The following OSBPL8 variants were observed in gnomAD, a reference collection of about 807,000 sequenced individuals.
OSBPL8 encodes oxysterol binding protein like 8.
A neutral mutation model predicts 125.5 loss-of-function variants in OSBPL8; 59 were observed. That is an observed-to-expected ratio of 0.47 (90% CI 0.38 to 0.58). The LOEUF is 0.58. OSBPL8 is among the 20% of genes least tolerant of loss of function. The pLI is 0.00. For missense variants in OSBPL8, 758 were observed against 1,047.8 expected (o/e 0.72, Z 3.82); for synonymous variants, 330 against 338.9 (o/e 0.97, Z 0.29).
intron 4 of OSBPL8, among the ~76,000 whole-genome samples, chr12:76,445,288 A>G (rs181415676): frequency 1.3e-5 from 2 of 152,304 alleles, no homozygotes; most frequent in Non-Finnish European, 2.9e-5. Context: ...CTTCTAAAAG[A>G]AAACACAGAA....
At chr12:76,395,723 T>A (rs1953764628) in intron 8 of OSBPL8, among the ~76,000 whole-genome samples, 1 of 152,090 alleles carries the variant, frequency 6.6e-6, no homozygotes, top group African/African-American at 2.4e-5. Flanking sequence ...TCCTTATAGG[T>A]ATGAGAATTA....
At chr12:76,464,506 A>C (rs1875153865) in intron 2 of OSBPL8, among the ~76,000 whole-genome samples, 1 of 152,220 alleles carries the variant, frequency 6.6e-6, no homozygotes, top group South Asian at 2.1e-4. Context: ...AAATCTCAGA[A>C]ATAGTGCACA....
Position 76,356,701 on chromosome 12 carries a change from C to A in OSBPL8, c.2462G>T (p.Arg821Ile). 2 of 1,608,292 alleles carry A rather than the reference C, an allele frequency of 1.2e-6. No individual in the cohort carries two copies. The highest frequency in any genetic ancestry group is 2.2e-5 in the South Asian group (2 of 90,248). The change falls in exon 23 of 24, where the codon AGA (arginine) becomes ATA (isoleucine). Residue 821 changes from arginine to isoleucine, a missense_variant. Around this residue, in one of 3 missense-constraint regions of OSBPL8, gnomAD observed 572 missense variants for 762.0 expected, o/e 0.75. Coordinates refer to ENST00000261183, the MANE Select transcript of OSBPL8 (RefSeq NM_020841.5). ...EAQSVKPSTRRKKGIELGDIQ... is the reference protein window; with the variant it reads ...EAQSVKPSTRIKKGIELGDIQ... ...GTCTCCCAGTTCTATTCCTTTCTTT[C>A]TTCTTGTACTTGGTTTTACTGATTG...
At chr12:76,410,059 T>G (rs946863587) in intron 5 of OSBPL8, among the ~76,000 whole-genome samples, 2 of 149,934 alleles carry the variant, frequency 1.3e-5, no homozygotes, top group Admixed American at 6.6e-5. Context: ...AGAAAAAAAA[T>G]GCTTAACAGG....
chr12:76,525,198 A>G (rs1013896803), intron 1 of OSBPL8, among the ~76,000 whole-genome samples: 2 of 152,190 alleles, frequency 1.3e-5, no homozygotes, highest in African/African-American at 4.8e-5. Flanking sequence ...ATTTCTCAGA[A>G]TTATTTGAAC....
rs149422491 is a variant in OSBPL8 at position 76,419,186 on chromosome 12, A to C, written c.218-8552T>G. ...AGGAGGCAGAGGCTGCAGTGCGCCG[A>C]GATCACACCACTGCACTCCAGCCTG... On this transcript the variant is annotated intron_variant, in intron 4 of 23. Transcript: ENST00000261183. 8.3e-3 allele frequency among the ~76,000 whole-genome samples: 1,254 copies of C among 151,668 alleles called. 15 individuals are homozygous for C. Among genetic ancestry groups the C allele is most frequent in the African/African-American group, 0.029 (1,216 of 41,356 alleles).
At chr12:76,386,030 T>C (rs1953294595) in intron 14 of OSBPL8, 138 bp downstream of exon 14, 1 of 1,254,548 alleles carries the variant, frequency 8.0e-7, no homozygotes, top group Admixed American at 3.0e-5. Context: ...GTATTTAATA[T>C]TAAAAGGTTA....
chr12:76,458,465 G>T (rs1471145154), intron 3 of OSBPL8, among the ~76,000 whole-genome samples: 1 of 152,088 alleles, frequency 6.6e-6, no homozygotes, highest in Non-Finnish European at 1.5e-5. Flanking sequence ...CAAGGCAGGA[G>T]GATCACTTGA....
chr12:76,522,335 C>T (rs1279753021), intron 1 of OSBPL8, among the ~76,000 whole-genome samples: 1 of 151,662 alleles, frequency 6.6e-6, no homozygotes, highest in South Asian at 2.1e-4. Flanking sequence ...TGATATGATG[C>T]TATGGTTTAG....
chr12:76,526,631 ATC>A (rs1565971240), intron 1 of OSBPL8, among the ~76,000 whole-genome samples: 26 of 135,834 alleles, frequency 1.9e-4, no homozygotes, highest in African/African-American at 3.0e-4. Context: ...CTATCAGTAA[ATC>A]TCTTTTTTTT....
intron 1 of OSBPL8, among the ~76,000 whole-genome samples, chr12:76,532,661 C>T (rs1950378607): frequency 6.6e-6 from 1 of 152,000 alleles, no homozygotes; most frequent in Non-Finnish European, 1.5e-5. Context: ...AGGAACATCC[C>T]TCCTCCAACA....
At chr12:76,465,383 A>G (rs1185063175) in intron 2 of OSBPL8, among the ~76,000 whole-genome samples, 2 of 151,606 alleles carry the variant, frequency 1.3e-5, no homozygotes, top group Non-Finnish European at 2.9e-5. Flanking sequence ...ACAAGGTGAA[A>G]CTCCGTCTCT....
At chr12:76,451,759 C>G (rs922516682) in intron 3 of OSBPL8, among the ~76,000 whole-genome samples, 2 of 152,114 alleles carry the variant, frequency 1.3e-5, no homozygotes, top group African/African-American at 4.8e-5. Context: ...AGAAACAGGG[C>G]AAACTGCCAA....
chr12:76,441,520 T>C (rs1872179346), intron 4 of OSBPL8, among the ~76,000 whole-genome samples: 1 of 152,126 alleles, frequency 6.6e-6, no homozygotes, highest in Non-Finnish European at 1.5e-5. Context: ...TAGTCAACTC[T>C]ACAGATAAAA....
intron 2 of OSBPL8, among the ~76,000 whole-genome samples, chr12:76,463,307 G>A (rs1380886420): frequency 6.6e-6 from 1 of 152,144 alleles, no homozygotes; most frequent in African/African-American, 2.4e-5. Flanking sequence ...GTCAAGTGTT[G>A]GGGTTTGAGC....
intron 1 of OSBPL8, among the ~76,000 whole-genome samples, chr12:76,536,725 T>A (rs938376972): frequency 1.3e-5 from 2 of 150,146 alleles, no homozygotes; most frequent in South Asian, 4.2e-4. Context: ...AATGGTAATG[T>A]GCAGAAGAAC....
At chr12:76,514,025 T>C (rs1881281262) in intron 1 of OSBPL8, among the ~76,000 whole-genome samples, 1 of 152,120 alleles carries the variant, frequency 6.6e-6, no homozygotes. Flanking sequence ...AGTCTGTGTG[T>C]TTAAGTGTGT....
intron 4 of OSBPL8, among the ~76,000 whole-genome samples, chr12:76,412,712 C>A (rs79359620): frequency 0.046 from 6,932 of 152,114 alleles, 561 homozygotes; most frequent in African/African-American, 0.16. Context: ...GCCACACACA[C>A]AAAAAAATTA....
intron 21 of OSBPL8, among the ~76,000 whole-genome samples, chr12:76,363,143 G>A (rs1283705920): frequency 6.6e-6 from 1 of 152,164 alleles, no homozygotes; most frequent in Non-Finnish European, 1.5e-5. Context: ...TACCCCTCAA[G>A]CTACCACTGA....
Sources: allele counts gnomAD v4.1 joint callset (sites outside exome capture counted in the v4.1 genomes callset), GRCh38; gene constraint gnomAD v4.1.1; regional missense constraint gnomAD v4.1.1; transcripts MANE v1.5; gene names NCBI Gene and HGNC (gene_info 2026-07-23, HGNC 2026-07-21).